The following NID2 variants were observed in gnomAD, a reference collection of about 807,000 sequenced individuals.
NID2 encodes the protein nidogen 2.
In NID2, 83 loss-of-function variants were observed where a neutral mutation model predicts 145.4. The observed-to-expected ratio is 0.57, with a 90% CI of 0.48 to 0.69. The LOEUF (loss-of-function observed/expected upper bound fraction) is 0.69, where lower values mean the gene tolerates loss of function less well. Ranked by LOEUF, NID2 falls within the 30% of genes least tolerant of loss-of-function variation. NID2 has a pLI of 0.00. For missense variants in NID2, 1,807 were observed against 1,765.7 expected (o/e 1.02, Z -0.42); for synonymous variants, 739 against 701.3 (o/e 1.05, Z -0.85).
intron 18 of NID2, 28 bp from the exon 19 acceptor site, chr14:52,007,995 A>G (rs753277700): frequency 1.1e-5 from 17 of 1,586,108 alleles, no homozygotes; most frequent in Non-Finnish European, 1.5e-5. Flanking sequence ...AGATTGTAAA[A>G]GAATAGCCAT....
At chr14:52,064,001 T>C (rs1011926394) in intron 2 of NID2, among the ~76,000 whole-genome samples, 3 of 152,230 alleles carry the variant, frequency 2.0e-5, no homozygotes, top group Non-Finnish European at 4.4e-5. Context: ...TTTCCATATA[T>C]GTCTCTATTC....
In NID2 at chr14:52,069,028, C is replaced by A. The variant is rs376853808; in HGVS notation, c.-34G>T. Reference sequence around the variant, plus strand: ...GGCCGTGCGCTTACCCGCTGCACAACGCGTCCCGCCCCGGCCTCCAGCCCA... The same window carrying A: ...GGCCGTGCGCTTACCCGCTGCACAAAGCGTCCCGCCCCGGCCTCCAGCCCA... On this transcript the variant is annotated 5_prime_UTR_variant, in exon 1 of 22. Transcript: ENST00000216286. The A allele has an allele frequency of 2.0e-6, 3 of 1,527,462 alleles. No homozygotes were observed. Among genetic ancestry groups the A allele is most frequent in the South Asian group, 1.2e-5 (1 of 86,370 alleles). 94.6% of individuals were successfully genotyped at this position (1,527,462 alleles called of 1,614,324 possible).
chr14:52,053,622 C>T lies in NID2; in HGVS notation c.1386G>A (p.Thr462=), dbSNP rs1265081038. 1.7e-5 allele frequency: 27 copies of T among 1,614,226 alleles called. No homozygotes were observed. The highest frequency in any genetic ancestry group is 1.7e-5 in the Admixed American group (1 of 60,032). The change falls in exon 5 of 22, where the codon ACG becomes ACA. Residue 462 remains threonine, a synonymous_variant. Coordinates refer to ENST00000216286, the MANE Select transcript of NID2 (RefSeq NM_007361.4). Reference sequence around the variant, plus strand: ...TGTTGTCTTCCAGTCCCACCTCATACGTCCCTCGACTTAAGGGTGTAGTGT... The same window carrying T: ...TGTTGTCTTCCAGTCCCACCTCATATGTCCCTCGACTTAAGGGTGTAGTGT... ...SGHTTPLSRG[T]YEVGLEDNIG... is the part of the protein sequence containing the mutation.
chr14:52,037,893 A>G (rs972403752), intron 9 of NID2, among the ~76,000 whole-genome samples: 4 of 152,188 alleles, frequency 2.6e-5, no homozygotes, highest in African/African-American at 7.2e-5. Context: ...TTTTGAAACA[A>G]TTTCTTAATC....
chr14:52,041,274 T>C (rs1324484843), intron 7 of NID2, among the ~76,000 whole-genome samples: 1 of 152,206 alleles, frequency 6.6e-6, no homozygotes, highest in Admixed American at 6.5e-5. Flanking sequence ...GGGTAATACT[T>C]ATACTAGAAA....
intron 5 of NID2, among the ~76,000 whole-genome samples, chr14:52,045,867 C>G (rs1892472093): frequency 7.0e-6 from 1 of 143,510 alleles, no homozygotes. Context: ...AACCTCAGCC[C>G]TCCCTCGGGG....
At chr14:52,034,366 C>G (rs1891982525) in intron 9 of NID2, among the ~76,000 whole-genome samples, 1 of 152,174 alleles carries the variant, frequency 6.6e-6, no homozygotes, top group Non-Finnish European at 1.5e-5. Context: ...CAGGGCTGAC[C>G]TGGACATTTA....
chr14:52,024,156 A>C lies in NID2; in HGVS notation c.2674+3045T>G, dbSNP rs1891496596. 3.3e-5 allele frequency among the ~76,000 whole-genome samples: 5 copies of C among 152,310 alleles called. No individual in the cohort carries two copies. In the South Asian group the frequency reaches 8.3e-4, roughly 25 times the overall value. ...ATCTGAAAGTTTAGAAGACAACTAC[A>C]TGGTAAGTGGCTGTGGTAGGCAGCC... On this transcript the variant is annotated intron_variant, in intron 12 of 21. Transcript: ENST00000216286.
At chr14:52,042,056 C>CA in intron 7 of NID2, 49 bp downstream of exon 7, 1 of 1,532,438 alleles carries the variant, frequency 6.5e-7, no homozygotes, top group Non-Finnish European at 8.8e-7. Flanking sequence ...CAAGGAGCAC[C>CA]ACTGCCAAAG....
chr14:52,030,594 G>GAGAAAGAA (rs1566755794), intron 9 of NID2, among the ~76,000 whole-genome samples: 75 of 77,582 alleles, frequency 9.7e-4, no homozygotes, highest in African/African-American at 3.0e-3. Context: ...AAGAAAGAAA[G>GAGAAAGAA]AAAGAAAGAA....
rs116114256 is a variant in NID2, at chr14:52,023,186, G to C, written c.2675-3008C>G. Reference sequence around the variant, plus strand: ...ATCATGCTTTCGTTATCAAAGAAGAGAGAAGCTAGGCCGGGTGTGGTGGCT... The same window carrying C: ...ATCATGCTTTCGTTATCAAAGAAGACAGAAGCTAGGCCGGGTGTGGTGGCT... On this transcript the variant is annotated intron_variant, in intron 12 of 21. Coordinates refer to ENST00000216286, the MANE Select transcript of NID2 (RefSeq NM_007361.4). Among the ~76,000 whole-genome samples the C allele has an allele frequency of 5.7e-3, 873 of 152,288 alleles. 3 individuals carry two copies. The highest frequency in any genetic ancestry group is 0.02 in the African/African-American group (827 of 41,558).
intron 8 of NID2, among the ~76,000 whole-genome samples, chr14:52,039,346 T>A (rs1262476485): frequency 2.0e-5 from 3 of 152,236 alleles, no homozygotes; most frequent in Non-Finnish European, 4.4e-5. Context: ...TAAGATGCAA[T>A]GCTGCCACAT....
At chr14:52,006,130 C>CTGTGGAACAT (rs1890770893) in intron 20 of NID2, 2 of 449,964 alleles carry the variant, frequency 4.4e-6, no homozygotes, top group African/African-American at 2.0e-5. Flanking sequence ...CATTTGAGAA[C>CTGTGGAACAT]TAGTCTAAAT....
chr14:52,019,668 G>A (rs561346903), intron 13 of NID2, among the ~76,000 whole-genome samples: 40 of 152,088 alleles, frequency 2.6e-4, no homozygotes, highest in African/African-American at 8.7e-4. Context: ...CACCACTCAC[G>A]AGACTGCACC....
intron 5 of NID2, among the ~76,000 whole-genome samples, chr14:52,048,915 A>T (rs950965812): frequency 8.5e-5 from 13 of 152,156 alleles, no homozygotes; most frequent in African/African-American, 3.1e-4. Context: ...CCAGGCTCCC[A>T]GCTGAGTGAG....
intron 9 of NID2, among the ~76,000 whole-genome samples, chr14:52,036,867 G>A (rs568436707): frequency 1.9e-5 from 1 of 51,394 alleles, no homozygotes; most frequent in East Asian, 6.7e-4. Flanking sequence ...TTATTGAGTT[G>A]TAAGATACTT....
intron 5 of NID2, among the ~76,000 whole-genome samples, chr14:52,049,181 T>TA: frequency 8.2e-6 from 1 of 122,598 alleles, no homozygotes; most frequent in Non-Finnish European, 1.8e-5. Flanking sequence ...CTCTTTTTTT[T>TA]CTATTTAATG....
At position 52,067,878 on chromosome 14, in the gene NID2, C is replaced by T. The variant is rs1245002970; in HGVS notation, c.514G>A (p.Gly172Arg). 4 of 1,612,084 alleles carry T rather than the reference C, an allele frequency of 2.5e-6. No homozygotes were observed. The highest frequency in any genetic ancestry group is 1.3e-5 in the African/African-American group (1 of 74,892). Residue 172 changes from glycine to arginine, a missense_variant, in exon 2 of 22, where the codon GGG becomes AGG. Physicochemically the swap from Gly to Arg is moderately radical, Grantham distance 125 (BLOSUM62 -2). Coordinates refer to ENST00000216286, the MANE Select transcript of NID2 (RefSeq NM_007361.4). ...CTTACCTCTCCCGAGGGCAGCGCCC[C>T]GCGCTTGACCTCCTCGTAAGCGCCT... ...QVGAYEEVKR[G>R]ALPSGELNTF...
chr14:52,020,645 G>A (rs1468808474), intron 12 of NID2, among the ~76,000 whole-genome samples: 2 of 152,182 alleles, frequency 1.3e-5, no homozygotes, highest in African/African-American at 4.8e-5. Flanking sequence ...AAAGGAGCCA[G>A]ATGAGGCCCA....
Sources: gnomAD v4.1 joint callset for allele counts (sites outside exome capture counted in the v4.1 genomes callset) on GRCh38, gnomAD v4.1.1 for gene constraint, MANE v1.5 for transcripts, NCBI Gene and HGNC (gene_info 2026-07-23, HGNC 2026-07-21) for gene names.